MEF2C: variants seen among roughly 807,000 people sequenced by gnomAD.
MEF2C encodes myocyte enhancer factor 2C.
In MEF2C, 6 loss-of-function variants were observed where a neutral mutation model predicts 50.5. The ratio of observed to expected loss-of-function variants is 0.12; its 90% CI spans 0.07 to 0.23. The LOEUF (loss-of-function observed/expected upper bound fraction) is 0.23, where lower values mean the gene tolerates loss of function less well. Among genes scored for constraint, MEF2C ranks in the 10% least tolerant of loss-of-function variants. The pLI is 1.00. For synonymous variants in MEF2C, 183 were observed against 228.0 expected (o/e 0.80, Z 1.78); for missense variants, 276 against 605.0 (o/e 0.46, Z 5.70).
intron 3 of MEF2C, among the ~76,000 whole-genome samples, chr5:88,784,738 A>G (rs966479263): frequency 1.3e-5 from 2 of 152,238 alleles, no homozygotes; most frequent in Non-Finnish European, 2.9e-5. Context: ...ATTTTGTTTA[A>G]AAAGTATTCA....
At chr5:88,767,800 A>T (rs190199950) in intron 3 of MEF2C, among the ~76,000 whole-genome samples, 1 of 152,338 alleles carries the variant, frequency 6.6e-6, no homozygotes, top group South Asian at 2.1e-4. Flanking sequence ...CTTTTCATGT[A>T]TTGAACACAA....
chr5:88,790,357 G>T (rs1342097403), intron 3 of MEF2C, among the ~76,000 whole-genome samples: 2 of 152,172 alleles, frequency 1.3e-5, no homozygotes, highest in Non-Finnish European at 2.9e-5. Flanking sequence ...TTCTACTCCA[G>T]CAGCATCAGC....
At chr5:88,769,700 A>G (rs1425307784) in intron 3 of MEF2C, among the ~76,000 whole-genome samples, 1 of 152,208 alleles carries the variant, frequency 6.6e-6, no homozygotes, top group Admixed American at 6.5e-5. Flanking sequence ...GCTGGAGTGC[A>G]GCGGCATGAT....
intron 10 of MEF2C, among the ~76,000 whole-genome samples, chr5:88,724,255 T>G (rs1314773831): frequency 6.6e-6 from 1 of 152,104 alleles, no homozygotes; most frequent in African/African-American, 2.4e-5. Flanking sequence ...TTATGACCAC[T>G]GAGAGAAAAA....
At position 88,746,880 on chromosome 5, in the gene MEF2C, T is replaced by A. The variant is rs796397026; in HGVS notation, c.637+2190A>T. On this transcript the variant is annotated intron_variant, in intron 6 of 10. Transcript: ENST00000504921. ...TATTTTTAAAATATGGGTAACACTT[T>A]CACAGCTATATAGAAACTGTGAAAA... is the stretch of plus-strand genomic sequence containing the variant. 4.6e-5 allele frequency among the ~76,000 whole-genome samples: 7 copies of A among 152,290 alleles called. 1 individual carries two copies. Among genetic ancestry groups the A allele is most frequent in the African/African-American group, 1.7e-4 (7 of 41,566 alleles).
intron 1 of MEF2C, among the ~76,000 whole-genome samples, chr5:88,833,741 T>G (rs1460911936): frequency 6.6e-6 from 1 of 152,142 alleles, no homozygotes; most frequent in Non-Finnish European, 1.5e-5. Flanking sequence ...AATCTCAGCC[T>G]GAGCTTCCGT....
At chr5:88,881,388 CAAT>C (rs1297982283) in intron 1 of MEF2C, 38 of 152,166 alleles carry the variant, frequency 2.5e-4, no homozygotes, top group Admixed American at 2.5e-3. Flanking sequence ...CACTGGAAGA[CAAT>C]AATATGGCTT....
At chr5:88,729,418 AGTTT>A in intron 8 of MEF2C, 71 bp from the exon 9 acceptor site, 2 of 1,323,520 alleles carry the variant, frequency 1.5e-6, no homozygotes, top group Non-Finnish European at 2.1e-6. Context: ...TTTCAGTATT[AGTTT>A]TCCACATAAA....
At chr5:88,828,735 T>A (rs984287176) in intron 1 of MEF2C, among the ~76,000 whole-genome samples, 3 of 152,046 alleles carry the variant, frequency 2.0e-5, no homozygotes, top group African/African-American at 7.2e-5. Flanking sequence ...GTATGAAGCA[T>A]GCAATTATAT....
At chr5:88,856,979 C>T (rs1304112098) in intron 1 of MEF2C, among the ~76,000 whole-genome samples, 1 of 152,226 alleles carries the variant, frequency 6.6e-6, no homozygotes, top group East Asian at 1.9e-4. Context: ...AATGGTAGAT[C>T]CACTGACAGC....
intron 1 of MEF2C, chr5:88,843,516 C>A: frequency 1.0e-6 from 1 of 975,998 alleles, no homozygotes; most frequent in South Asian, 4.7e-5. Context: ...TTTCATGTGT[C>A]TGAAATTCAA....
intron 1 of MEF2C, chr5:88,824,309 C>G: frequency 1.0e-6 from 1 of 984,960 alleles, no homozygotes; most frequent in Non-Finnish European, 1.2e-6. Context: ...CCTTTATGTA[C>G]CTGTGTATGC....
chr5:88,731,226 T>C (rs1761395394), intron 7 of MEF2C, among the ~76,000 whole-genome samples: 1 of 152,186 alleles, frequency 6.6e-6, no homozygotes, highest in Non-Finnish European at 1.5e-5. Flanking sequence ...TGTGTAGGCA[T>C]GCGATGTATT....
chr5:88,767,764 GAC>G (rs1202404906), intron 3 of MEF2C, among the ~76,000 whole-genome samples: 1 of 152,108 alleles, frequency 6.6e-6, no homozygotes, highest in African/African-American at 2.4e-5. Context: ...GGAAATAAAA[GAC>G]ACACTAATTA....
chr5:88,891,751 A>G (rs566744067), intron 1 of MEF2C, among the ~76,000 whole-genome samples: 19 of 152,276 alleles, frequency 1.2e-4, no homozygotes, highest in Admixed American at 1.1e-3. Context: ...TGAAACATAT[A>G]AGGCAACAGA....
In MEF2C at chr5:88,869,426, G is replaced by A. The variant is rs919940906; in HGVS notation, c.-143+13529C>T. Reference sequence around the variant, plus strand: ...TTAAAAAAGTTTAATTTTCCTGAACGTTGTATTGTTCTCCAAGTCAAAAAT... The same window carrying A: ...TTAAAAAAGTTTAATTTTCCTGAACATTGTATTGTTCTCCAAGTCAAAAAT... On this transcript the variant is annotated intron_variant, in intron 1 of 10. Coordinates refer to ENST00000504921, the MANE Select transcript of MEF2C (RefSeq NM_002397.5). Among the ~76,000 whole-genome samples the A allele has an allele frequency of 1.0e-4, 15 of 150,694 alleles. No homozygotes were observed. The East Asian group carries it at 1.6e-3, about 16-fold the overall frequency.
At chr5:88,851,076 T>C (rs552809435) in intron 1 of MEF2C, among the ~76,000 whole-genome samples, 11 of 151,784 alleles carry the variant, frequency 7.2e-5, no homozygotes, top group South Asian at 6.3e-4. Flanking sequence ...CTACTAAAAA[T>C]AGAAAAATTA....
intron 1 of MEF2C, among the ~76,000 whole-genome samples, chr5:88,856,924 C>T (rs2153409618): frequency 6.6e-6 from 1 of 152,334 alleles, no homozygotes; most frequent in South Asian, 2.1e-4. Context: ...TGGGGCACTG[C>T]CTAGCAAAGC....
At chr5:88,734,426 C>T (rs989861881) in intron 6 of MEF2C, 4 of 985,042 alleles carry the variant, frequency 4.1e-6, no homozygotes, top group South Asian at 4.7e-5. Context: ...CGGTAGATGC[C>T]GATACTGGTT....
Sources: gnomAD v4.1 joint callset for allele counts (sites outside exome capture counted in the v4.1 genomes callset) on GRCh38, gnomAD v4.1.1 for gene constraint, MANE v1.5 for transcripts, NCBI Gene and HGNC (gene_info 2026-07-23, HGNC 2026-07-21) for gene names.